Variants in WIPF1 observed in about 807,000 individuals in gnomAD.
WIPF1 encodes WAS/WASL-interacting protein family member 1.
In WIPF1, 13 loss-of-function variants were observed where a neutral mutation model predicts 35.4. That is an observed-to-expected ratio of 0.37 (90% confidence interval 0.24 to 0.58). The LOEUF is 0.58. WIPF1 is among the 20% of genes least tolerant of loss of function. The pLI, the probability that WIPF1 is intolerant of heterozygous loss-of-function variation, is 0.74. For missense variants in WIPF1, 591 were observed against 667.0 expected, an observed-to-expected ratio of 0.89 and a Z score of 1.25; for synonymous variants, 267 against 266.3, an observed-to-expected ratio of 1.00 and a Z score of -0.02.
At chr2:174,565,678 A>G (rs1477433880) in intron 7 of WIPF1, among the ~76,000 whole-genome samples, 1 of 152,206 alleles carries the variant, frequency 6.6e-6, no homozygotes, top group Non-Finnish European at 1.5e-5. Flanking sequence ...GGAAAGAATC[A>G]GTAGGCTTTG....
chr2:174,596,714 C>A (rs544542172), intron 1 of WIPF1, among the ~76,000 whole-genome samples: 3 of 152,018 alleles, frequency 2.0e-5, no homozygotes, highest in African/African-American at 7.2e-5. Context: ...ATGATGAAAC[C>A]CTGTCTCTAC....
At chr2:174,621,483 T>A (rs1686673132) in intron 1 of WIPF1, among the ~76,000 whole-genome samples, 1 of 152,098 alleles carries the variant, frequency 6.6e-6, no homozygotes, top group South Asian at 2.1e-4. Flanking sequence ...ACAACTCTCC[T>A]ACCAATCTCC....
chr2:174,620,526 T>G (rs915826052), intron 1 of WIPF1, among the ~76,000 whole-genome samples: 3 of 152,278 alleles, frequency 2.0e-5, no homozygotes, highest in African/African-American at 4.8e-5. Context: ...TACTACTTTA[T>G]TTTCAAGATC....
chr2:174,630,340 G>A (rs1686979623), intron 1 of WIPF1: 2 of 152,194 alleles, frequency 1.3e-5, no homozygotes, highest in South Asian at 4.1e-4. Flanking sequence ...CTTCTCATTA[G>A]CATTGAGAAA....
At chr2:174,593,029 T>C (rs116383146) in intron 1 of WIPF1, among the ~76,000 whole-genome samples, 3,205 of 152,264 alleles carry the variant, frequency 0.021, 104 homozygotes, top group African/African-American at 0.074. Context: ...ATTTCTTTTT[T>C]TTCTTTTATA....
intron 7 of WIPF1, among the ~76,000 whole-genome samples, chr2:174,564,454 A>G (rs1013098011): frequency 1.3e-5 from 2 of 152,172 alleles, no homozygotes; most frequent in African/African-American, 2.4e-5. Flanking sequence ...TCCTGTCTCT[A>G]TAAGAAAATT....
At chr2:174,643,556 G>C (rs1687341895) in intron 1 of WIPF1, among the ~76,000 whole-genome samples, 1 of 148,546 alleles carries the variant, frequency 6.7e-6, no homozygotes, top group Non-Finnish European at 1.5e-5. Context: ...GGAATTACAG[G>C]CACGCAACAC....
Position 174,560,339 on chromosome 2 carries a change from C to T in WIPF1, c.*2208G>A, listed in dbSNP as rs1684453672. ...CCCTGTTTCAGATTTAGAACGGTACCTGCCAAGTTCAGATATGCAAAGGAA... is the reference window on the plus strand; with the variant it reads ...CCCTGTTTCAGATTTAGAACGGTACTTGCCAAGTTCAGATATGCAAAGGAA... On this transcript the variant is annotated 3_prime_UTR_variant, in exon 8 of 8. Transcript: ENST00000679041. 2.0e-5 allele frequency: 3 copies of T among 152,692 alleles called. No homozygotes were observed. In the South Asian group the frequency reaches 6.2e-4, roughly 32 times the overall value. 9.5% of individuals were successfully genotyped at this position (152,692 alleles called of 1,614,324 possible).
intron 5 of WIPF1, chr2:174,568,546 C>A (rs549145953): frequency 1.3e-5 from 2 of 154,682 alleles, no homozygotes; most frequent in African/African-American, 4.8e-5. Flanking sequence ...ATTACAGAAG[C>A]ATGTTTCTGT....
chr2:174,674,761 T>C (rs1235574956), intron 1 of WIPF1, among the ~76,000 whole-genome samples: 1 of 152,170 alleles, frequency 6.6e-6, no homozygotes, highest in East Asian at 1.9e-4. Context: ...AAATGAATTA[T>C]GCTGGCAAAG....
intron 2 of WIPF1, 73 bp downstream of exon 2, chr2:174,585,450 C>T (rs1411350704): frequency 9.8e-6 from 14 of 1,430,860 alleles, no homozygotes; most frequent in Non-Finnish European, 1.3e-5. Context: ...TTAATACAAA[C>T]ACATGCACGC....
chr2:174,628,950 G>GGCCA (rs1321971726), intron 1 of WIPF1, among the ~76,000 whole-genome samples: 1 of 152,090 alleles, frequency 6.6e-6, no homozygotes, highest in African/African-American at 2.4e-5. Context: ...CTTTTCCTGA[G>GGCCA]GCCAGATGTT....
intron 1 of WIPF1, among the ~76,000 whole-genome samples, chr2:174,660,241 GTAT>G (rs1179272404): frequency 6.6e-6 from 1 of 152,210 alleles, no homozygotes; most frequent in Non-Finnish European, 1.5e-5. Context: ...ATAAAGAAGT[GTAT>G]TCTAAACAGA....
intron 1 of WIPF1, among the ~76,000 whole-genome samples, chr2:174,618,304 C>T (rs766227103): frequency 6.6e-6 from 1 of 152,170 alleles, no homozygotes; most frequent in Non-Finnish European, 1.5e-5. Context: ...AGGTAATGCA[C>T]GAGGCAACTC....
At chr2:174,642,636 C>T (rs773412253) in intron 1 of WIPF1, among the ~76,000 whole-genome samples, 29 of 150,314 alleles carry the variant, frequency 1.9e-4, no homozygotes, top group Admixed American at 4.6e-4. Flanking sequence ...CATGAGCCGC[C>T]GCGCCCGGCC....
chr2:174,638,605 C>CT (rs879535543), intron 1 of WIPF1, among the ~76,000 whole-genome samples: 34 of 147,388 alleles, frequency 2.3e-4, no homozygotes, highest in South Asian at 6.5e-4. Flanking sequence ...TGATATCAAC[C>CT]TTTTTTTTTT....
chr2:174,630,997 T>C (rs1287807562), intron 1 of WIPF1, among the ~76,000 whole-genome samples: 1 of 152,202 alleles, frequency 6.6e-6, no homozygotes, highest in Non-Finnish European at 1.5e-5. Flanking sequence ...AATGATCTTA[T>C]AATATGAGGT....
chr2:174,563,084 ACAC>A (rs1300755457), intron 7 of WIPF1, among the ~76,000 whole-genome samples: 2 of 152,340 alleles, frequency 1.3e-5, no homozygotes, highest in East Asian at 3.9e-4. Flanking sequence ...AAATATGACT[ACAC>A]TACAGTCTAC....
intron 3 of WIPF1, among the ~76,000 whole-genome samples, chr2:174,580,146 T>C (rs893781484): frequency 6.6e-6 from 1 of 152,080 alleles, no homozygotes; most frequent in Non-Finnish European, 1.5e-5. Context: ...AGATGGGGTT[T>C]TACAATGTTG....
Sources: gnomAD v4.1 joint callset for allele counts (sites outside exome capture counted in the v4.1 genomes callset) on GRCh38, gnomAD v4.1.1 for gene constraint, MANE v1.5 for transcripts, NCBI Gene and HGNC (gene_info 2026-07-23, HGNC 2026-07-21) for gene names.